The following FSTL4 variants were observed in gnomAD, a reference collection of about 807,000 sequenced individuals.
FSTL4 encodes the protein follistatin-related protein 4.
In FSTL4, 28 loss-of-function variants were observed where a neutral mutation model predicts 78.2. The ratio of observed to expected loss-of-function variants is 0.36; its 90% CI spans 0.27 to 0.49. FSTL4 has a LOEUF of 0.49. Among genes scored for constraint, FSTL4 ranks in the 20% least tolerant of loss-of-function variants. The pLI is 0.98. For missense variants in FSTL4, 922 were observed against 1,084.9 expected (o/e 0.85, Z 2.11); for synonymous variants, 422 against 440.5 (o/e 0.96, Z 0.53).
chr5:133,357,390 C>A (rs964634080), intron 4 of FSTL4, among the ~76,000 whole-genome samples: 7 of 152,156 alleles, frequency 4.6e-5, no homozygotes, highest in African/African-American at 1.7e-4. Context: ...TCTCTAGCTG[C>A]ATCTTCAGCC....
At chr5:133,245,956 ATTC>A (rs1752027750) in intron 7 of FSTL4, among the ~76,000 whole-genome samples, 1 of 152,256 alleles carries the variant, frequency 6.6e-6, no homozygotes, top group Admixed American at 6.5e-5. Flanking sequence ...CATTAATAGA[ATTC>A]TTAACAGATA....
chr5:133,726,203 A>G, the FSTL4 span, among the ~76,000 whole-genome samples: 10 of 152,192 alleles, frequency 6.6e-5, no homozygotes, highest in Non-Finnish European at 1.5e-4. Context: ...TCACCCACAC[A>G]GACAAGGGAA....
At chr5:133,543,005 G>A (rs1452183567) in intron 3 of FSTL4, among the ~76,000 whole-genome samples, 1 of 149,894 alleles carries the variant, frequency 6.7e-6, no homozygotes, top group Non-Finnish European at 1.5e-5. Flanking sequence ...GGTTTACTCT[G>A]CTACTCTTTT....
At chr5:133,354,354 G>A (rs1442802977) in intron 4 of FSTL4, among the ~76,000 whole-genome samples, 1 of 152,220 alleles carries the variant, frequency 6.6e-6, no homozygotes, top group Non-Finnish European at 1.5e-5. Context: ...TGATCAGCTG[G>A]TTCTAAAAGG....
intron 5 of FSTL4, among the ~76,000 whole-genome samples, chr5:133,316,077 G>A (rs1300124922): frequency 6.6e-6 from 1 of 152,214 alleles, no homozygotes; most frequent in Non-Finnish European, 1.5e-5. Context: ...GGATACTAAG[G>A]AGCAGTGATG....
At chr5:133,581,539 G>A (rs749493236) in intron 2 of FSTL4, among the ~76,000 whole-genome samples, 1 of 152,250 alleles carries the variant, frequency 6.6e-6, no homozygotes, top group Non-Finnish European at 1.5e-5. Flanking sequence ...CCTCCCAGGA[G>A]GGGCCTTGTG....
chr5:133,802,400 T>C, the FSTL4 span, among the ~76,000 whole-genome samples: 1 of 152,170 alleles, frequency 6.6e-6, no homozygotes, highest in Admixed American at 6.5e-5. Flanking sequence ...AGACACAGTA[T>C]CCAGGGAAAA....
intron 12 of FSTL4, among the ~76,000 whole-genome samples, chr5:133,220,100 T>C (rs1001753706): frequency 2.6e-5 from 4 of 152,374 alleles, no homozygotes; most frequent in South Asian, 2.1e-4. Context: ...AACTATTCAC[T>C]GAGTGAATTG....
intron 13 of FSTL4, among the ~76,000 whole-genome samples, chr5:133,214,092 T>A (rs1750828617): frequency 6.6e-6 from 1 of 152,184 alleles, no homozygotes; most frequent in Non-Finnish European, 1.5e-5. Context: ...GTGGAAGATG[T>A]TAACACACCT....
intron 6 of FSTL4, among the ~76,000 whole-genome samples, chr5:133,279,426 A>G (rs1428647743): frequency 6.6e-6 from 1 of 152,180 alleles, no homozygotes; most frequent in Non-Finnish European, 1.5e-5. Context: ...CTGTGGAAAA[A>G]CGGTCTTCCA....
At chr5:133,475,095 C>T (rs1030212732) in intron 3 of FSTL4, among the ~76,000 whole-genome samples, 9 of 152,298 alleles carry the variant, frequency 5.9e-5, no homozygotes, top group Non-Finnish European at 1.0e-4. Context: ...GGACATGGCC[C>T]GGGCAGGCAT....
At chr5:133,456,298 C>T (rs60224699) in intron 3 of FSTL4, among the ~76,000 whole-genome samples, 2,775 of 152,342 alleles carry the variant, frequency 0.018, 93 homozygotes, top group African/African-American at 0.062. Context: ...TGAAGCTGGC[C>T]GTCCTGAGAC....
chr5:133,750,161 C>T, the FSTL4 span, among the ~76,000 whole-genome samples: 1 of 152,118 alleles, frequency 6.6e-6, no homozygotes, highest in South Asian at 2.1e-4. Flanking sequence ...CACAAAGTGG[C>T]ACCAAGAGAG....
At chr5:133,638,519 T>C in the FSTL4 span, among the ~76,000 whole-genome samples, 1 of 152,162 alleles carries the variant, frequency 6.6e-6, no homozygotes. Context: ...ACTCCAGGCA[T>C]GCTCCTGCCT....
intron 3 of FSTL4, among the ~76,000 whole-genome samples, chr5:133,454,938 T>G (rs1023026668): frequency 2.0e-5 from 3 of 152,240 alleles, no homozygotes; most frequent in African/African-American, 7.2e-5. Flanking sequence ...GTTGACAATC[T>G]CCTTCACAAA....
At chr5:133,759,922 T>C in the FSTL4 span, among the ~76,000 whole-genome samples, 1 of 152,328 alleles carries the variant, frequency 6.6e-6, no homozygotes, top group African/African-American at 2.4e-5. Context: ...CAAAAACACA[T>C]ACAATGAAAA....
the FSTL4 span, among the ~76,000 whole-genome samples, chr5:133,783,332 A>T: frequency 6.6e-6 from 1 of 152,210 alleles, no homozygotes; most frequent in Non-Finnish European, 1.5e-5. Context: ...TTAATAAATA[A>T]ATAGGAATAA....
the FSTL4 span, among the ~76,000 whole-genome samples, chr5:133,622,086 AT>A: frequency 6.0e-5 from 9 of 149,862 alleles, no homozygotes; most frequent in East Asian, 5.8e-4. Context: ...GGCAACCTCC[AT>A]TTTTTTTTCT....
At chr5:133,645,845 T>C in the FSTL4 span, among the ~76,000 whole-genome samples, 1 of 152,098 alleles carries the variant, frequency 6.6e-6, no homozygotes, top group East Asian at 1.9e-4. Flanking sequence ...CAAGAAAGTT[T>C]CCTCCTCTAG....
Sources: gnomAD v4.1 joint callset for allele counts (sites outside exome capture counted in the v4.1 genomes callset) on GRCh38, gnomAD v4.1.1 for gene constraint, MANE v1.5 for transcripts, NCBI Gene and HGNC (gene_info 2026-07-23, HGNC 2026-07-21) for gene names.